Variants in RTN3 observed in about 807,000 individuals in gnomAD.
The protein encoded by RTN3 is reticulon-3.
A neutral mutation model predicts 77.8 loss-of-function variants in RTN3; 49 were observed. The observed-to-expected ratio is 0.63, with a 90% CI of 0.50 to 0.80. The LOEUF is 0.80. Among genes scored for constraint, RTN3 ranks in the 30% least tolerant of loss-of-function variants. The pLI is 0.00. For synonymous variants in RTN3, 464 were observed against 446.9 expected, an observed-to-expected ratio of 1.04 and a Z score of -0.48; for missense variants, 1,236 against 1,211.9, an observed-to-expected ratio of 1.02 and a Z score of -0.29.
intron 3 of RTN3, among the ~76,000 whole-genome samples, chr11:63,742,594 G>T (rs1055096154): frequency 6.6e-6 from 1 of 151,934 alleles, no homozygotes; most frequent in African/African-American, 2.4e-5. Flanking sequence ...GCATTGAGCC[G>T]AGATCATGCC....
At chr11:63,687,204 A>G (rs1221685944) in intron 1 of RTN3, among the ~76,000 whole-genome samples, 1 of 152,212 alleles carries the variant, frequency 6.6e-6, no homozygotes, top group Non-Finnish European at 1.5e-5. Flanking sequence ...AGGAATGCCT[A>G]GATTTCAATC....
At position 63,681,528 on chromosome 11, in the gene RTN3, G is replaced by T; in HGVS notation, c.-109G>T. On this transcript the variant is annotated 5_prime_UTR_variant, in exon 1 of 9. Transcript: ENST00000377819. The stretch of plus-strand genomic sequence containing the variant: ...CTGTCGGAGTCTGTCCTCGGAGCAG[G>T]CGGAGTAAAGGGACTTGAGCGAGCC... 1 of 1,164,396 alleles carries T rather than the reference G, an allele frequency of 8.6e-7. No individual in the cohort carries two copies. Among genetic ancestry groups the T allele is most frequent in the Non-Finnish European group, 1.2e-6 (1 of 845,094 alleles). The allele number at this position is 1,164,396 out of a possible 1,614,324, so 72.1% of individuals were successfully genotyped here. A position where few individuals can be genotyped will look rare whatever the true frequency, so the allele number is the denominator to read the frequency against.
At chr11:63,718,608 A>T in intron 2 of RTN3, 94 bp from the exon 3 acceptor site, 2 of 793,172 alleles carry the variant, frequency 2.5e-6, no homozygotes, top group Non-Finnish European at 3.8e-6. Flanking sequence ...ATATTTATGT[A>T]ATTTAAAAAA....
Position 63,681,754 on chromosome 11 carries a change from A to G in RTN3, c.118A>G (p.Lys40Glu). 2 of 1,602,040 alleles carry G rather than the reference A, an allele frequency of 1.2e-6. No homozygotes were observed. Among genetic ancestry groups the G allele is most frequent in the Non-Finnish European group, 8.5e-7 (1 of 1,176,380 alleles). ...AGGAGCCTGCCCCGCCCTGGGGACG[A>G]AGAGCTGCAGCTCCTCCTGTGCGGG... ...SPGACPALGT[K>E]SCSSSCADSF... The change falls in exon 1 of 9, where the codon AAG becomes GAG. Residue 40 changes from lysine (K) to glutamate (E), a missense_variant. Lys to Glu is a moderately conservative substitution (Grantham distance 56). Around this residue, in one of 3 missense-constraint regions of RTN3, gnomAD observed 1,056 missense variants for 990.4 expected, o/e 1.07. Coordinates refer to ENST00000377819, the MANE Select transcript of RTN3 (RefSeq NM_001265589.2).
intron 3 of RTN3, among the ~76,000 whole-genome samples, chr11:63,735,453 A>G (rs2134986266): frequency 6.6e-6 from 1 of 152,232 alleles, no homozygotes; most frequent in Non-Finnish European, 1.5e-5. Context: ...GAGAGGTGCT[A>G]TGTTCATGAA....
chr11:63,727,367 T>C (rs2012359066), intron 3 of RTN3, among the ~76,000 whole-genome samples: 1 of 152,210 alleles, frequency 6.6e-6, no homozygotes, highest in African/African-American at 2.4e-5. Flanking sequence ...CTGCATGTGT[T>C]GGAATTAGGA....
intron 3 of RTN3, among the ~76,000 whole-genome samples, chr11:63,729,893 A>G (rs1179099208): frequency 6.6e-6 from 1 of 151,996 alleles, no homozygotes; most frequent in Non-Finnish European, 1.5e-5. Flanking sequence ...CCCAGGCTCA[A>G]GCAATCCTCC....
At chr11:63,728,487 G>A (rs1170647409) in intron 3 of RTN3, among the ~76,000 whole-genome samples, 2 of 152,200 alleles carry the variant, frequency 1.3e-5, no homozygotes. Flanking sequence ...CCTTTCTTTG[G>A]CATGTGCAGG....
chr11:63,684,389 C>T (rs1039575028), intron 1 of RTN3, among the ~76,000 whole-genome samples: 5 of 151,942 alleles, frequency 3.3e-5, no homozygotes, highest in Admixed American at 6.6e-5. Flanking sequence ...CCTCGTGATC[C>T]GCCCACCTCG....
chr11:63,688,497 C>CGT (rs1365652775), intron 1 of RTN3, among the ~76,000 whole-genome samples: 1 of 152,180 alleles, frequency 6.6e-6, no homozygotes, highest in Non-Finnish European at 1.5e-5. Flanking sequence ...GCTGGGATTA[C>CGT]AGGCGTGAGC....
chr11:63,733,468 G>A (rs1466574458), intron 3 of RTN3, among the ~76,000 whole-genome samples: 1 of 151,538 alleles, frequency 6.6e-6, no homozygotes, highest in African/African-American at 2.4e-5. Flanking sequence ...CAGCCTGGGC[G>A]ACAGAGACTG....
rs1371321175 is a variant in RTN3 at position 63,718,758 on chromosome 11, T to C, written c.256T>C (p.Phe86Leu). 6.2e-7 allele frequency: 1 copy of C among 1,606,534 alleles called. No homozygotes were observed. Among genetic ancestry groups the C allele is most frequent in the Non-Finnish European group, 8.5e-7 (1 of 1,178,268 alleles). ...ATCTTCAGAAATTATGACTTCTTCC[T>C]TTCTTTCATCTTCTGAAATACATAA... ...EPSSEIMTSS[F>L]LSSSEIHNTG... Residue 86 changes from phenylalanine (F) to leucine (L), a missense_variant, in exon 3 of 9, where the codon TTT (phenylalanine) becomes CTT (leucine). By Grantham distance (22) the Phe-to-Leu change is conservative. Around this residue, in one of 3 missense-constraint regions of RTN3, gnomAD observed 1,056 missense variants for 990.4 expected, o/e 1.07. Coordinates refer to ENST00000377819, the MANE Select transcript of RTN3 (RefSeq NM_001265589.2).
At chr11:63,736,737 A>G (rs1363269810) in intron 3 of RTN3, among the ~76,000 whole-genome samples, 6 of 152,178 alleles carry the variant, frequency 3.9e-5, no homozygotes, top group Non-Finnish European at 8.8e-5. Context: ...TTATATGCAA[A>G]TACCATGCTA....
chr11:63,686,887 T>C (rs751256664), intron 1 of RTN3, among the ~76,000 whole-genome samples: 2 of 151,958 alleles, frequency 1.3e-5, no homozygotes, highest in African/African-American at 2.4e-5. Flanking sequence ...AAAACTACAT[T>C]TTATATGTTT....
intron 1 of RTN3, among the ~76,000 whole-genome samples, chr11:63,702,285 TTTTTGG>T (rs1010835462): frequency 6.6e-6 from 1 of 151,830 alleles, no homozygotes; most frequent in Non-Finnish European, 1.5e-5. Flanking sequence ...TTTTTTTGTG[TTTTTGG>T]TTTTGGTTTT....
intron 1 of RTN3, among the ~76,000 whole-genome samples, chr11:63,699,629 A>G (rs571999718): frequency 6.6e-6 from 1 of 152,238 alleles, no homozygotes; most frequent in Non-Finnish European, 1.5e-5. Flanking sequence ...TCCAGATTAC[A>G]TGGCATTTAA....
intron 1 of RTN3, among the ~76,000 whole-genome samples, chr11:63,685,284 C>G (rs955769729): frequency 1.3e-5 from 2 of 151,444 alleles, no homozygotes; most frequent in African/African-American, 4.9e-5. Flanking sequence ...CACCTGAGGT[C>G]AGGAGTTAGA....
chr11:63,749,250 G>A (rs2013973286), intron 3 of RTN3, among the ~76,000 whole-genome samples: 1 of 152,200 alleles, frequency 6.6e-6, no homozygotes, highest in East Asian at 1.9e-4. Context: ...CTGCTCTCCA[G>A]CCCAGGTGAC....
intron 1 of RTN3, among the ~76,000 whole-genome samples, chr11:63,688,073 C>T (rs1436505764): frequency 6.6e-6 from 1 of 152,106 alleles, no homozygotes; most frequent in Non-Finnish European, 1.5e-5. Context: ...CAGATTCTGA[C>T]TAATAAATGT....
Sources: gnomAD v4.1 joint callset for allele counts (sites outside exome capture counted in the v4.1 genomes callset) on GRCh38, gnomAD v4.1.1 for gene constraint, gnomAD v4.1.1 regional missense constraint, MANE v1.5 for transcripts, NCBI Gene and HGNC (gene_info 2026-07-23, HGNC 2026-07-21) for gene names.